The following ESR1 variants were observed in gnomAD, a reference collection of about 807,000 sequenced individuals.
ESR1 encodes the protein estrogen receptor.
In ESR1, 12 loss-of-function variants were observed where a neutral mutation model predicts 52.7. The ratio of observed to expected loss-of-function variants is 0.23; its 90% CI spans 0.15 to 0.37. ESR1 has a LOEUF of 0.37. Among genes scored for constraint, ESR1 ranks in the 10% least tolerant of loss-of-function variants. The pLI is 1.00. For missense variants in ESR1, 584 were observed against 779.7 expected (o/e 0.75, Z 2.99); for synonymous variants, 305 against 316.8 (o/e 0.96, Z 0.39).
chr6:151,839,685 C>T (rs1246346545), intron 1 of ESR1, among the ~76,000 whole-genome samples: 1 of 151,990 alleles, frequency 6.6e-6, no homozygotes, highest in Non-Finnish European at 1.5e-5. Context: ...AGGACATTAT[C>T]CTAAGTGAAA....
chr6:151,737,901 G>T (rs753904747), intron 2 of ESR1, among the ~76,000 whole-genome samples: 10 of 152,148 alleles, frequency 6.6e-5, no homozygotes, highest in Non-Finnish European at 1.5e-4. Context: ...GGGAAGGGTT[G>T]CAAATATTAA....
Position 151,795,242 on chromosome 6 carries a change from G to A in ESR1, c.-70-12601G>A, listed in dbSNP as rs139540450. On this transcript the variant is annotated intron_variant, in intron 2 of 2. Transcript: ENST00000404742. ...TGGGTCATGCCTGTAATCCCAGCAC[G>A]TTGGGAGGCTGAGGTGGGGGGATCA... is the stretch of plus-strand genomic sequence containing the variant. 3.5e-4 allele frequency among the ~76,000 whole-genome samples: 53 copies of A among 151,796 alleles called. No individual in the cohort carries two copies. The East Asian group carries it at 9.9e-3, about 28-fold the overall frequency.
intron 1 of ESR1, among the ~76,000 whole-genome samples, chr6:151,837,563 G>T (rs191883733): frequency 1.3e-5 from 2 of 152,116 alleles, no homozygotes; most frequent in African/African-American, 4.8e-5. Context: ...CCTTTTTTCT[G>T]CTATTCTTCA....
intron 2 of ESR1, among the ~76,000 whole-genome samples, chr6:151,873,034 T>C (rs560318201): frequency 6.6e-6 from 1 of 152,332 alleles, no homozygotes. Context: ...TTCTTTCCTA[T>C]ACATGAGCTT....
intron 4 of ESR1, among the ~76,000 whole-genome samples, chr6:152,007,605 A>C (rs1354204524): frequency 6.6e-6 from 1 of 152,082 alleles, no homozygotes; most frequent in African/African-American, 2.4e-5. Context: ...GCTTTTAAAA[A>C]ACTTTATTTT....
intron 5 of ESR1, among the ~76,000 whole-genome samples, chr6:152,021,787 TC>T (rs1234098263): frequency 6.6e-6 from 1 of 152,120 alleles, no homozygotes; most frequent in East Asian, 1.9e-4. Flanking sequence ...GGGTGGTTTC[TC>T]CCATACTCTT....
intron 6 of ESR1, among the ~76,000 whole-genome samples, chr6:152,074,635 T>G (rs7766205): frequency 2.6e-5 from 4 of 152,066 alleles, no homozygotes; most frequent in Non-Finnish European, 5.9e-5. Flanking sequence ...CTGGATTGTA[T>G]AGTATGTTTA....
rs563645359 is a variant in ESR1, at chr6:151,673,409, ATCTC to A, written n.73+16650_73+16653del. ...AAGAGTGTACCATTCATATTACATA[ATCTC>A]TCTATCTTGTTTGGTCAGGTTTTCC... On this transcript the variant is annotated intron_variant and non_coding_transcript_variant, in intron 1 of 2. Coordinates refer to the ESR1 transcript ENST00000473497. Among the ~76,000 whole-genome samples the A allele has an allele frequency of 4.6e-4, 70 of 152,274 alleles. 1 individual carries two copies. Among genetic ancestry groups the A allele is most frequent in the African/African-American group, 1.4e-3 (57 of 41,564 alleles).
At chr6:151,722,007 A>G (rs1283113671) in intron 2 of ESR1, among the ~76,000 whole-genome samples, 1 of 152,260 alleles carries the variant, frequency 6.6e-6, no homozygotes, top group Non-Finnish European at 1.5e-5. Flanking sequence ...ACAGATGGTG[A>G]CAGATTAATT....
intron 2 of ESR1, among the ~76,000 whole-genome samples, chr6:151,777,455 T>C (rs1357205389): frequency 1.3e-5 from 2 of 152,040 alleles, no homozygotes; most frequent in African/African-American, 4.8e-5. Flanking sequence ...AGTAAGGGTA[T>C]TGGTTAGGGT....
chr6:151,915,172 C>T (rs936204620), intron 3 of ESR1, among the ~76,000 whole-genome samples: 9 of 149,852 alleles, frequency 6.0e-5, no homozygotes, highest in Non-Finnish European at 1.3e-4. Context: ...TCCAGCCTGG[C>T]GACAGAGTGA....
At chr6:151,996,954 A>G (rs1448997091) in intron 4 of ESR1, among the ~76,000 whole-genome samples, 1 of 152,222 alleles carries the variant, frequency 6.6e-6, no homozygotes, top group South Asian at 2.1e-4. Context: ...AGTGACAAAC[A>G]TGTTCCAGAC....
At chr6:152,103,470 C>G (rs1175704846), downstream of ESR1, among the ~76,000 whole-genome samples, 1 of 152,178 alleles carries the variant, frequency 6.6e-6, no homozygotes, top group East Asian at 1.9e-4. Context: ...CAGAACTGGC[C>G]TCAATTCTTG....
chr6:151,834,226 C>T (rs1782911448), intron 1 of ESR1, among the ~76,000 whole-genome samples: 1 of 152,162 alleles, frequency 6.6e-6, no homozygotes, highest in Non-Finnish European at 1.5e-5. Context: ...ATAAATCATT[C>T]TACTAGAAAG....
At chr6:151,862,078 G>T (rs904331716) in intron 2 of ESR1, among the ~76,000 whole-genome samples, 2 of 152,148 alleles carry the variant, frequency 1.3e-5, no homozygotes, top group Non-Finnish European at 2.9e-5. Context: ...AATGTGTAAT[G>T]AATACTTGCC....
intron 6 of ESR1, among the ~76,000 whole-genome samples, chr6:152,124,483 T>C (rs2052616649): frequency 6.6e-6 from 1 of 152,226 alleles, no homozygotes; most frequent in Admixed American, 6.5e-5. Flanking sequence ...ACTCACTTCA[T>C]CTCTAGGTGT....
intron 6 of ESR1, among the ~76,000 whole-genome samples, chr6:152,066,794 A>G (rs2047998036): frequency 6.6e-6 from 1 of 152,222 alleles, no homozygotes; most frequent in Non-Finnish European, 1.5e-5. Flanking sequence ...GACTGAATTC[A>G]GGAGAAGCAA....
chr6:151,745,589 A>G lies in ESR1; in HGVS notation c.-71+43584A>G, dbSNP rs1344605869. Among the ~76,000 whole-genome samples the G allele has an allele frequency of 2.0e-5, 3 of 152,220 alleles. No homozygotes were observed. In the East Asian group the frequency reaches 5.8e-4, roughly 29 times the overall value. Reference sequence around the variant, plus strand: ...TATTTTAAATAATCAACCATCCACCATCCCAAACTCTAAGACTTTGTTGGT... The same window carrying G: ...TATTTTAAATAATCAACCATCCACCGTCCCAAACTCTAAGACTTTGTTGGT... On this transcript the variant is annotated intron_variant, in intron 2 of 2. Transcript: ENST00000404742.
chr6:151,954,255 G>A (rs1040743438), intron 4 of ESR1, among the ~76,000 whole-genome samples: 7 of 152,152 alleles, frequency 4.6e-5, no homozygotes, highest in Non-Finnish European at 8.8e-5. Flanking sequence ...ATTCTCCCTT[G>A]TAAGTAAATT....
Sources: allele counts gnomAD v4.1 joint callset (sites outside exome capture counted in the v4.1 genomes callset), GRCh38; gene constraint gnomAD v4.1.1; transcripts MANE v1.5; gene names NCBI Gene and HGNC (gene_info 2026-07-23, HGNC 2026-07-21).